The following OPCML variants were observed in gnomAD, a reference collection of about 807,000 sequenced individuals.
The protein encoded by OPCML is opioid-binding protein/cell adhesion molecule.
OPCML carries 13 observed loss-of-function variants against 37.8 expected under a neutral mutation model. That is an observed-to-expected ratio of 0.34 (90% confidence interval 0.22 to 0.55). OPCML has a LOEUF of 0.55. Ranked by LOEUF, OPCML falls within the 20% of genes least tolerant of loss-of-function variation. The pLI, the probability that OPCML is intolerant of heterozygous loss-of-function variation, is 0.91. For synonymous variants in OPCML, 176 were observed against 168.8 expected (o/e 1.04, Z -0.33); for missense variants, 341 against 435.6 (o/e 0.78, Z 1.93).
intron 2 of OPCML, among the ~76,000 whole-genome samples, chr11:132,777,044 C>G (rs1946832275): frequency 6.6e-6 from 1 of 152,184 alleles, no homozygotes. Context: ...CTACCCTTCT[C>G]CATGCACCAT....
At chr11:132,944,660 C>T (rs1169193646) in intron 1 of OPCML, among the ~76,000 whole-genome samples, 1 of 152,224 alleles carries the variant, frequency 6.6e-6, no homozygotes, top group African/African-American at 2.4e-5. Flanking sequence ...TCACAGGAAG[C>T]GGCGCCGCAG....
chr11:133,263,085 T>C (rs1219475105), intron 1 of OPCML, among the ~76,000 whole-genome samples: 1 of 151,942 alleles, frequency 6.6e-6, no homozygotes, highest in Non-Finnish European at 1.5e-5. Flanking sequence ...TGGGTATGGT[T>C]GGACTGTGGC....
chr11:132,812,490 A>G (rs1360369144), intron 2 of OPCML, among the ~76,000 whole-genome samples: 3 of 152,170 alleles, frequency 2.0e-5, no homozygotes, highest in Non-Finnish European at 2.9e-5. Flanking sequence ...TGCAAAGAGG[A>G]TATGAACTGA....
intron 1 of OPCML, among the ~76,000 whole-genome samples, chr11:133,308,912 G>A (rs1274081766): frequency 6.6e-6 from 1 of 152,120 alleles, no homozygotes; most frequent in Non-Finnish European, 1.5e-5. Flanking sequence ...CTTGAAAAGT[G>A]AAAAAATAGC....
intron 1 of OPCML, among the ~76,000 whole-genome samples, chr11:133,501,806 A>G (rs1185582159): frequency 6.6e-6 from 1 of 151,984 alleles, no homozygotes; most frequent in African/African-American, 2.4e-5. Flanking sequence ...AGGGCACTCC[A>G]GGCCTCTGAG....
intron 3 of OPCML, among the ~76,000 whole-genome samples, chr11:132,554,769 G>A (rs1021052172): frequency 1.3e-5 from 2 of 148,496 alleles, no homozygotes; most frequent in African/African-American, 2.5e-5. Flanking sequence ...CTCTTTCCAT[G>A]TGTTTATGTT....
At chr11:133,170,465 G>T (rs955085871) in intron 1 of OPCML, among the ~76,000 whole-genome samples, 8 of 151,524 alleles carry the variant, frequency 5.3e-5, no homozygotes, top group African/African-American at 1.9e-4. Flanking sequence ...CAGCCTGGGC[G>T]ACAGAGCGAG....
intron 1 of OPCML, among the ~76,000 whole-genome samples, chr11:133,187,459 G>A (rs2136295784): frequency 6.6e-6 from 1 of 152,252 alleles, no homozygotes; most frequent in Middle Eastern, 3.4e-3. Flanking sequence ...TGCTGGACCT[G>A]CTTGCTCTCT....
chr11:133,451,866 T>C (rs1366900188), intron 1 of OPCML, among the ~76,000 whole-genome samples: 3 of 150,794 alleles, frequency 2.0e-5, no homozygotes, highest in African/African-American at 7.4e-5. Flanking sequence ...GGTTTAAATA[T>C]CTGGCTGATC....
intron 1 of OPCML, among the ~76,000 whole-genome samples, chr11:133,203,852 A>T (rs1938911639): frequency 6.6e-6 from 1 of 151,992 alleles, no homozygotes; most frequent in Non-Finnish European, 1.5e-5. Flanking sequence ...AGGTCAGGAG[A>T]TGGAGACCAT....
intron 4 of OPCML, among the ~76,000 whole-genome samples, chr11:132,447,996 G>A (rs763370532): frequency 3.9e-5 from 6 of 152,246 alleles, no homozygotes; most frequent in Non-Finnish European, 7.3e-5. Flanking sequence ...CCAGGAGAAG[G>A]AAAGCCAGCA....
intron 1 of OPCML, among the ~76,000 whole-genome samples, chr11:133,141,760 T>G (rs1260013315): frequency 6.6e-6 from 1 of 152,188 alleles, no homozygotes; most frequent in Admixed American, 6.5e-5. Flanking sequence ...CCCACTCAAA[T>G]GTTTCCCCCT....
intron 1 of OPCML, among the ~76,000 whole-genome samples, chr11:133,380,404 A>G (rs938527903): frequency 6.6e-6 from 1 of 152,222 alleles, no homozygotes; most frequent in African/African-American, 2.4e-5. Flanking sequence ...ATCTTCACTA[A>G]GCATGCTCTT....
At chr11:133,523,568 C>G (rs1298458083) in intron 1 of OPCML, among the ~76,000 whole-genome samples, 1 of 152,158 alleles carries the variant, frequency 6.6e-6, no homozygotes, top group African/African-American at 2.4e-5. Context: ...CCAACTGCAA[C>G]AAGAACAAGA....
chr11:133,395,116 G>A (rs2136821983), intron 1 of OPCML, among the ~76,000 whole-genome samples: 1 of 152,240 alleles, frequency 6.6e-6, no homozygotes, highest in East Asian at 1.9e-4. Flanking sequence ...GCATTTCTCT[G>A]ATGATCATTA....
chr11:133,003,607 G>A (rs1436482491), intron 1 of OPCML: 3 of 971,716 alleles, frequency 3.1e-6, no homozygotes, highest in East Asian at 2.3e-4. Context: ...ATATTGGCTG[G>A]AGAGTACTTT....
chr11:132,685,631 C>T (rs567292366), intron 2 of OPCML, among the ~76,000 whole-genome samples: 1 of 152,204 alleles, frequency 6.6e-6, no homozygotes, highest in African/African-American at 2.4e-5. Context: ...TTTATGTCTC[C>T]CTTTTTTTGA....
intron 2 of OPCML, among the ~76,000 whole-genome samples, chr11:132,855,512 C>G (rs1027146615): frequency 6.6e-6 from 1 of 152,190 alleles, no homozygotes; most frequent in East Asian, 1.9e-4. Context: ...GGCATGAAGA[C>G]CACTCTGGGT....
chr11:132,521,194 T>C (rs750298922), intron 4 of OPCML, among the ~76,000 whole-genome samples: 10 of 152,318 alleles, frequency 6.6e-5, no homozygotes, highest in Non-Finnish European at 1.0e-4. Flanking sequence ...GAAGTATCTG[T>C]TCATATCCTT....
Sources: allele counts gnomAD v4.1 joint callset (sites outside exome capture counted in the v4.1 genomes callset), GRCh38; gene constraint gnomAD v4.1.1; transcripts MANE v1.5; gene names NCBI Gene and HGNC (gene_info 2026-07-23, HGNC 2026-07-21).